The following PTPRH variants were observed in gnomAD, a reference collection of about 807,000 sequenced individuals.
PTPRH encodes the protein protein tyrosine phosphatase receptor type H.
PTPRH carries 113 observed loss-of-function variants against 130.2 expected under a neutral mutation model. The observed-to-expected ratio is 0.87, with a 90% CI of 0.75 to 1.01. PTPRH has a LOEUF of 1.01. Ranked by LOEUF, PTPRH falls within the 50% of genes least tolerant of loss-of-function variation. The pLI is 0.00. For synonymous variants in PTPRH, 556 were observed against 577.9 expected (o/e 0.96, Z 0.54); for missense variants, 1,430 against 1,425.0 (o/e 1.00, Z -0.06).
At position 55,191,873 on chromosome 19, in the gene PTPRH, G is replaced by A. The variant is rs765989305; in HGVS notation, c.2258-132C>T. 7.9e-5 allele frequency: 64 copies of A among 811,334 alleles called. 1 individual carries two copies. The South Asian group carries it at 8.0e-4, about 10-fold the overall frequency. The allele number at this position is 811,334 out of a possible 1,614,324, so 50.3% of individuals were successfully genotyped here. A position where few individuals can be genotyped will look rare whatever the true frequency, so the allele number is the denominator to read the frequency against. On this transcript the variant is annotated intron_variant, in intron 10 of 19. Transcript: ENST00000376350. ...AGCTGACCCCCGAACATCACACGGT[G>A]TGAATTGCGTCGGTCCAGTTATACT...
Position 55,196,669 on chromosome 19 carries a change from G to T in PTPRH, c.2110C>A (p.Arg704=). The T allele has an allele frequency of 1.2e-6, 2 of 1,613,934 alleles. No individual in the cohort carries two copies. The highest frequency in any genetic ancestry group is 1.1e-5 in the South Asian group (1 of 91,062). ...EAFELEVGGQ[R]GSQDRSSCGE... is the part of the protein sequence containing the mutation. Reference sequence around the variant, plus strand: ...CATGAAGATCTGTCCTGGGAGCCCCGCTGTCCTCCCACCTCCAACTCAAAG... The same window carrying T: ...CATGAAGATCTGTCCTGGGAGCCCCTCTGTCCTCCCACCTCCAACTCAAAG... The change falls in exon 10 of 20, where the codon CGG becomes AGG. Residue 704 remains arginine (R), a synonymous_variant. Coordinates refer to ENST00000376350, the MANE Select transcript of PTPRH (RefSeq NM_002842.5).
At chr19:55,205,650 G>T in intron 3 of PTPRH, 58 bp from the exon 4 acceptor site, 1 of 1,597,668 alleles carries the variant, frequency 6.3e-7, no homozygotes, top group Non-Finnish European at 8.5e-7. Context: ...AAACTTTCCA[G>T]CCCTTCCTTA....
chr19:55,209,305 G>A lies in PTPRH; in HGVS notation c.51+78C>T, dbSNP rs576612409. ...CAGCACCTACTTCCTCAAGATCGAG[G>A]TGCAGGCACCCAGCTCCTTCTCCCT... On this transcript the variant is annotated intron_variant, in intron 1 of 19. Coordinates refer to ENST00000376350, the MANE Select transcript of PTPRH (RefSeq NM_002842.5). This position sits in a 1 kb window ranked among gnomAD's most constrained non-coding sequence, Gnocchi z 4.1. 7.9e-7 allele frequency: 1 copy of A among 1,267,722 alleles called. No individual in the cohort carries two copies. Among genetic ancestry groups the A allele is most frequent in the East Asian group, 2.5e-5 (1 of 39,676 alleles). The allele number at this position is 1,267,722 out of a possible 1,614,324, so 78.5% of individuals were successfully genotyped here.
intron 10 of PTPRH, among the ~76,000 whole-genome samples, chr19:55,193,184 C>T (rs1473764535): frequency 2.0e-5 from 3 of 150,202 alleles, no homozygotes; most frequent in African/African-American, 7.4e-5. Flanking sequence ...GCTGAGATTG[C>T]ACGACTGCAC....
In PTPRH at chr19:55,181,905, T is replaced by C; in HGVS notation, c.3199-2A>G. On this transcript the variant is annotated splice_acceptor_variant, in intron 19 of 19. Transcript: ENST00000376350. LOFTEE classifies it high-confidence loss of function. Reference sequence around the variant, plus strand: ...CTGATGCAGGAATACGTACTGAGCCTGGGAAGCAGGCACGGGAGTGAGAGG... The same window carrying C: ...CTGATGCAGGAATACGTACTGAGCCCGGGAAGCAGGCACGGGAGTGAGAGG... 1 of 1,614,168 alleles carries C rather than the reference T, an allele frequency of 6.2e-7. No individual in the cohort carries two copies. Among genetic ancestry groups the C allele is most frequent in the Non-Finnish European group, 8.5e-7 (1 of 1,180,014 alleles).
chr19:55,190,600 A>AT (rs2086506205), intron 12 of PTPRH, among the ~76,000 whole-genome samples: 1 of 112,876 alleles, frequency 8.9e-6, no homozygotes. Context: ...AAATTTATAT[A>AT]TTATATATTA....
chr19:55,200,255 C>A lies in PTPRH; in HGVS notation c.1401G>T (p.Gln467His), dbSNP rs750310808. ...TCCTACCTGTGGAGATGCTGACATT[C>A]TGCCTGGAGCCACGTGCTCCATTTT... ...AEKNGARGSR[Q>H]NVSISTVPNA... The change falls in exon 7 of 20, where the codon CAG becomes CAT. Residue 467 changes from glutamine (Q) to histidine (H), a missense_variant. Transcript: ENST00000376350. 2 of 1,614,224 alleles carry A rather than the reference C, an allele frequency of 1.2e-6. No individual in the cohort carries two copies. Among genetic ancestry groups the A allele is most frequent in the Admixed American group, 3.3e-5 (2 of 60,016 alleles).
rs1212362340 is a variant in PTPRH, at chr19:55,181,598, C to G, written c.*156G>C. ...CTCATCTGAAGCCCACCAGACCACT[C>G]TCTCCTGGGGAAACCAGAGTTTGGG... On this transcript the variant is annotated 3_prime_UTR_variant, in exon 20 of 20. Coordinates refer to ENST00000376350, the MANE Select transcript of PTPRH (RefSeq NM_002842.5). 1 of 1,026,110 alleles carries G rather than the reference C, an allele frequency of 9.7e-7. No individual in the cohort carries two copies. Among genetic ancestry groups the G allele is most frequent in the Middle Eastern group, 3.3e-4 (1 of 3,052 alleles). 63.6% of individuals were successfully genotyped at this position (1,026,110 alleles called of 1,614,324 possible). A position where few individuals can be genotyped will look rare whatever the true frequency, so the allele number is the denominator to read the frequency against.
At chr19:55,182,902 CT>C (rs2086216556) in intron 18 of PTPRH, among the ~76,000 whole-genome samples, 1 of 151,888 alleles carries the variant, frequency 6.6e-6, no homozygotes. Flanking sequence ...TCAAGTGATC[CT>C]CCTGTCTCAG....
At chr19:55,201,452 T>C (rs557928401) in intron 6 of PTPRH, among the ~76,000 whole-genome samples, 1 of 152,350 alleles carries the variant, frequency 6.6e-6, no homozygotes, top group South Asian at 2.1e-4. Context: ...CTTTCCAATA[T>C]GGTAGGCATT....
chr19:55,204,965 A>G (rs559849006), intron 4 of PTPRH, among the ~76,000 whole-genome samples: 2 of 152,306 alleles, frequency 1.3e-5, no homozygotes, highest in South Asian at 4.1e-4. Context: ...CTGAGTTTCC[A>G]TCCTCAATAT....
intron 18 of PTPRH, among the ~76,000 whole-genome samples, chr19:55,182,695 TC>T (rs1384680427): frequency 6.6e-6 from 1 of 152,072 alleles, no homozygotes; most frequent in Non-Finnish European, 1.5e-5. Context: ...GAAGTCCCAT[TC>T]CCCAGGCCAC....
At chr19:55,200,601 C>A in intron 6 of PTPRH, 99 bp from the exon 7 acceptor site, 1 of 1,328,972 alleles carries the variant, frequency 7.5e-7, no homozygotes, top group South Asian at 1.4e-5. Context: ...AGCTCTTGTT[C>A]AACTGCTGGT....
chr19:55,207,028 C>T (rs912135759), intron 2 of PTPRH, 73 bp from the exon 3 acceptor site: 48 of 1,548,852 alleles, frequency 3.1e-5, no homozygotes, highest in Middle Eastern at 1.7e-4. Context: ...CCTGAGCTCA[C>T]GCCCCAAGTC....
rs920077633 is a variant in PTPRH, at chr19:55,206,223, ACT to A, written c.352+464_352+465del. The stretch of plus-strand genomic sequence containing the variant: ...ACTCCAACCTGGGCGACAGAGCAAG[ACT>A]CTGCCTCAAAAAAAAAAAAAATTGT... On this transcript the variant is annotated intron_variant, in intron 3 of 19. Coordinates refer to ENST00000376350, the MANE Select transcript of PTPRH (RefSeq NM_002842.5). Among the ~76,000 whole-genome samples, 31 of 150,210 alleles carry A rather than the reference ACT, an allele frequency of 2.1e-4. 1 individual carries two copies. Among genetic ancestry groups the A allele is most frequent in the African/African-American group, 7.3e-4 (30 of 40,954 alleles).
At chr19:55,202,642 C>G (rs2086901933) in intron 5 of PTPRH, among the ~76,000 whole-genome samples, 1 of 151,772 alleles carries the variant, frequency 6.6e-6, no homozygotes, top group Non-Finnish European at 1.5e-5. Context: ...TATATACACA[C>G]ACATATATAT....
chr19:55,207,407 G>T, intron 1 of PTPRH: 1 of 569,924 alleles, frequency 1.8e-6, no homozygotes, highest in Non-Finnish European at 3.1e-6. Context: ...GCAGAGCTTA[G>T]GGAGCTGGGG....
In PTPRH at chr19:55,200,252, A is replaced by G; in HGVS notation, c.1404T>C (p.Asn468=). ...EKNGARGSRQ[N]VSISTVPNAV... ...GGTTCCTACCTGTGGAGATGCTGAC[A>G]TTCTGCCTGGAGCCACGTGCTCCAT... is the stretch of plus-strand genomic sequence containing the variant. The change falls in exon 7 of 20, where the codon AAT becomes AAC. Residue 468 remains asparagine (N), a synonymous_variant. Coordinates refer to ENST00000376350, the MANE Select transcript of PTPRH (RefSeq NM_002842.5). 2 of 1,614,202 alleles carry G rather than the reference A, an allele frequency of 1.2e-6. No homozygotes were observed. Among genetic ancestry groups the G allele is most frequent in the Non-Finnish European group, 8.5e-7 (1 of 1,180,034 alleles).
At chr19:55,188,962 A>G (rs981024098) in intron 12 of PTPRH, among the ~76,000 whole-genome samples, 2 of 152,114 alleles carry the variant, frequency 1.3e-5, no homozygotes, top group South Asian at 2.1e-4. Context: ...GGTTTGGCCC[A>G]TTCCTGTAGT....
Sources: gnomAD v4.1 joint callset for allele counts (sites outside exome capture counted in the v4.1 genomes callset) on GRCh38, gnomAD v4.1.1 for gene constraint, Gnocchi (gnomAD v3.1) non-coding constraint, MANE v1.5 for transcripts, NCBI Gene and HGNC (gene_info 2026-07-23, HGNC 2026-07-21) for gene names.